CDC42BPA: variants seen among roughly 807,000 people sequenced by gnomAD.
CDC42BPA encodes CDC42 binding protein kinase alpha, also known as serine/threonine-protein kinase MRCK alpha.
A neutral mutation model predicts 223.5 loss-of-function variants in CDC42BPA; 80 were observed. The observed-to-expected ratio is 0.36, with a 90% CI of 0.30 to 0.43. The LOEUF (loss-of-function observed/expected upper bound fraction) is 0.43. Among genes scored for constraint, CDC42BPA ranks in the 20% least tolerant of loss-of-function variants. The pLI is 1.00. For missense variants in CDC42BPA, 1,743 were observed against 2,099.9 expected (o/e 0.83, Z 3.32); for synonymous variants, 694 against 718.6 (o/e 0.97, Z 0.55).
intron 1 of CDC42BPA, among the ~76,000 whole-genome samples, chr1:227,291,799 T>G (rs1689746500): frequency 6.6e-6 from 1 of 152,172 alleles, no homozygotes; most frequent in Non-Finnish European, 1.5e-5. Flanking sequence ...CAGCTACCTC[T>G]TATTACTGTA....
rs1273357064 is a variant in CDC42BPA, at chr1:227,030,281, G to A, written c.3838+127C>T. On this transcript the variant is annotated intron_variant, in intron 29 of 36. Transcript: ENST00000366766. ...CTTTTAATTTATAAACGTCAAATTA[G>A]GTCTGGAAAATTTTAGTCGCAGGAT... 14 of 628,688 alleles carry A rather than the reference G, an allele frequency of 2.2e-5. No homozygotes were observed. The South Asian group carries it at 2.7e-4, about 12-fold the overall frequency. 38.9% of individuals were successfully genotyped at this position (628,688 alleles called of 1,614,324 possible). A position where few individuals can be genotyped will look rare whatever the true frequency, so the allele number is the denominator to read the frequency against.
chr1:227,284,488 C>T (rs1205541208), intron 1 of CDC42BPA, among the ~76,000 whole-genome samples: 1 of 152,114 alleles, frequency 6.6e-6, no homozygotes, highest in Non-Finnish European at 1.5e-5. Context: ...GTATTCTACC[C>T]ACCACCATCC....
At chr1:227,208,159 G>A (rs1488524951) in intron 3 of CDC42BPA, among the ~76,000 whole-genome samples, 3 of 147,646 alleles carry the variant, frequency 2.0e-5, no homozygotes, top group Non-Finnish European at 3.0e-5. Context: ...CTGCATAAAT[G>A]TCTTCTTTTG....
At chr1:227,186,956 G>T (rs991597306) in intron 5 of CDC42BPA, among the ~76,000 whole-genome samples, 1 of 152,138 alleles carries the variant, frequency 6.6e-6, no homozygotes, top group African/African-American at 2.4e-5. Flanking sequence ...TAAATTCTTG[G>T]TAACAACTTA....
At chr1:227,272,136 G>A (rs1165241662) in intron 1 of CDC42BPA, among the ~76,000 whole-genome samples, 1 of 152,136 alleles carries the variant, frequency 6.6e-6, no homozygotes, top group Non-Finnish European at 1.5e-5. Flanking sequence ...GAAAGAGAAT[G>A]TAAAGATAAT....
chr1:227,255,343 T>C (rs558746628), intron 1 of CDC42BPA, among the ~76,000 whole-genome samples: 1 of 152,354 alleles, frequency 6.6e-6, no homozygotes, highest in South Asian at 2.1e-4. Context: ...TGCTCTGATC[T>C]AAAAGTATGC....
chr1:227,314,944 C>T (rs1299140076), intron 1 of CDC42BPA, among the ~76,000 whole-genome samples: 2 of 151,938 alleles, frequency 1.3e-5, no homozygotes, highest in Non-Finnish European at 2.9e-5. Context: ...TATTCTTAGT[C>T]TTAACTGATT....
At chr1:227,113,004 A>G in intron 12 of CDC42BPA, 91 bp from the exon 13 acceptor site, 1 of 1,215,366 alleles carries the variant, frequency 8.2e-7, no homozygotes, top group Non-Finnish European at 1.2e-6. Context: ...AGTCAAGAAG[A>G]GCCAAAATTA....
intron 22 of CDC42BPA, among the ~76,000 whole-genome samples, 159 bp downstream of exon 22, chr1:227,051,722 T>C (rs1228818908): frequency 2.0e-5 from 3 of 152,236 alleles, no homozygotes; most frequent in Non-Finnish European, 4.4e-5. Context: ...CTTTAGTTTT[T>C]TACTTCTACC....
At chr1:227,168,497 G>GTGTTTTGTTTTTTTTTTTTTTTTTTTTT (rs1302291274) in intron 5 of CDC42BPA, among the ~76,000 whole-genome samples, 10 of 80,212 alleles carry the variant, frequency 1.2e-4, no homozygotes, top group African/African-American at 2.5e-4. Flanking sequence ...CTTCCCTGGT[G>GTGTTTTGTTTTTTTTTTTTTTTTTTTTT]TTTTTTTTTT....
chr1:226,996,345 T>C (rs1000013904), intron 35 of CDC42BPA, among the ~76,000 whole-genome samples: 3 of 152,234 alleles, frequency 2.0e-5, no homozygotes, highest in African/African-American at 4.8e-5. Context: ...CTGAAGTTGC[T>C]TGTCAGCTTA....
Position 227,213,251 on chromosome 1 carries a change from A to C in CDC42BPA, c.271-32T>G, listed in dbSNP as rs923732050. 8.1e-6 allele frequency: 9 copies of C among 1,110,600 alleles called. No individual in the cohort carries two copies. The Admixed American group carries it at 9.1e-5, about 11-fold the overall frequency. 68.8% of individuals were successfully genotyped at this position (1,110,600 alleles called of 1,614,324 possible). A position where few individuals can be genotyped will look rare whatever the true frequency, so the allele number is the denominator to read the frequency against. On this transcript the variant is annotated intron_variant, in intron 2 of 36. Coordinates refer to ENST00000366766, the MANE Select transcript of CDC42BPA (RefSeq NM_001394014.1). ...AAGATAAAGGAAATATAAATTTTAAAATAATGACAAATAATTTTTTCAGCC... is the reference window on the plus strand; with the variant it reads ...AAGATAAAGGAAATATAAATTTTAACATAATGACAAATAATTTTTTCAGCC...
intron 23 of CDC42BPA, 25 bp downstream of exon 23, chr1:227,047,902 C>T (rs748249787): frequency 7.1e-7 from 1 of 1,415,220 alleles, no homozygotes; most frequent in Non-Finnish European, 1.0e-6. Context: ...TTGGAACACA[C>T]TATGCTTATA....
chr1:227,214,704 G>GA (rs1379000428), intron 2 of CDC42BPA, among the ~76,000 whole-genome samples: 3 of 152,116 alleles, frequency 2.0e-5, no homozygotes, highest in African/African-American at 7.2e-5. Context: ...AAGAATAGCT[G>GA]AAAGACTCCA....
rs1200509701 is a variant in CDC42BPA, at chr1:227,317,276, TAAACCACTTGTTATTC to T, written c.-110_-95del. ...ATTTTAAAAGGTATGGTTTTAAAAA[TAAACCACTTGTTATTC>T]AAACAACTGTCATGCAATGCTGGTG... On this transcript the variant is annotated 5_prime_UTR_variant, in exon 1 of 37. The change creates a premature stop within an existing upstream ORF in the 5' untranslated region. Transcript: ENST00000366766. 7.5e-7 allele frequency: 1 copy of T among 1,335,390 alleles called. No individual in the cohort carries two copies. The highest frequency in any genetic ancestry group is 1.0e-6 in the Non-Finnish European group (1 of 972,504). The allele number at this position is 1,335,390 out of a possible 1,614,324, so 82.7% of individuals were successfully genotyped here.
At chr1:227,275,883 C>T (rs1451302237) in intron 1 of CDC42BPA, among the ~76,000 whole-genome samples, 3 of 152,298 alleles carry the variant, frequency 2.0e-5, no homozygotes, top group East Asian at 1.9e-4. Flanking sequence ...GGATTGCAGA[C>T]GGAGTCTCGC....
intron 1 of CDC42BPA, among the ~76,000 whole-genome samples, chr1:227,280,814 A>G (rs1397088948): frequency 6.6e-6 from 1 of 152,242 alleles, no homozygotes; most frequent in Admixed American, 6.5e-5. Context: ...CGTCTGCAGT[A>G]TGCAAGAAGG....
intron 5 of CDC42BPA, among the ~76,000 whole-genome samples, chr1:227,192,385 C>T (rs1038672142): frequency 6.6e-6 from 1 of 152,172 alleles, no homozygotes; most frequent in Non-Finnish European, 1.5e-5. Context: ...TTCCCCAGCC[C>T]GACCCAACCC....
chr1:227,312,949 C>T (rs1371857484), intron 1 of CDC42BPA, among the ~76,000 whole-genome samples: 1 of 152,144 alleles, frequency 6.6e-6, no homozygotes, highest in African/African-American at 2.4e-5. Context: ...GAGGCCTCCC[C>T]TGCATGCCTC....
Sources: allele counts gnomAD v4.1 joint callset (sites outside exome capture counted in the v4.1 genomes callset), GRCh38; gene constraint gnomAD v4.1.1; transcripts MANE v1.5; gene names NCBI Gene and HGNC (gene_info 2026-07-23, HGNC 2026-07-21).